Variants in EHMT1 observed in about 807,000 individuals in gnomAD.
EHMT1 encodes histone-lysine N-methyltransferase EHMT1.
A neutral mutation model predicts 147.2 loss-of-function variants in EHMT1; 15 were observed. The observed-to-expected ratio is 0.10, with a 90% CI of 0.07 to 0.16. EHMT1 has a LOEUF of 0.16. Ranked by LOEUF, EHMT1 falls within the 10% of genes least tolerant of loss-of-function variation. The pLI is 1.00. For missense variants in EHMT1, 1,587 were observed against 1,772.4 expected (o/e 0.90, Z 1.88); for synonymous variants, 795 against 709.6 (o/e 1.12, Z -1.91).
chr9:137,651,562 C>T (rs115553400), intron 1 of EHMT1, among the ~76,000 whole-genome samples: 1,772 of 152,136 alleles, frequency 0.012, 30 homozygotes, highest in African/African-American at 0.04. Flanking sequence ...CCGAGGCAGG[C>T]GGATCACTTG....
rs947961182 is a variant in EHMT1, at chr9:137,782,797, G to A, written c.2382+400G>A. Among the ~76,000 whole-genome samples the A allele has an allele frequency of 3.3e-5, 5 of 152,122 alleles. No individual in the cohort carries two copies. The highest frequency in any genetic ancestry group is 1.2e-4 in the African/African-American group (5 of 41,420). ...GAGCATTTTCAAGCTGAACCACGTC[G>A]TCTACAGGGTATGTTGTGTCTGTCG... On this transcript the variant is annotated intron_variant, in intron 15 of 26. Coordinates refer to ENST00000460843, the MANE Select transcript of EHMT1 (RefSeq NM_024757.5). The surrounding 1 kb of genome is among the most constrained non-coding windows in gnomAD (Gnocchi z 5.7).
intron 10 of EHMT1, among the ~76,000 whole-genome samples, chr9:137,774,190 G>A (rs1022409337): frequency 3.3e-5 from 5 of 152,342 alleles, no homozygotes; most frequent in Admixed American, 2.6e-4. Flanking sequence ...CCAGGTATAC[G>A]TTCATGTTTC....
chr9:137,764,003 T>C (rs1950042812), intron 10 of EHMT1: 1 of 152,618 alleles, frequency 6.6e-6, no homozygotes, highest in Non-Finnish European at 1.5e-5. Flanking sequence ...GGTTTCTGAT[T>C]CAGCAGGTCT....
Position 137,716,861 on chromosome 9 carries a change from C to G in EHMT1, c.321C>G (p.Asn107Lys). The G allele has an allele frequency of 6.2e-7, 1 of 1,613,292 alleles. No individual in the cohort carries two copies. Among genetic ancestry groups the G allele is most frequent in the Non-Finnish European group, 8.5e-7 (1 of 1,179,908 alleles). The change falls in exon 3 of 27, where the codon AAC (asparagine) becomes AAG (lysine). Residue 107 changes from asparagine to lysine, a missense_variant. Physicochemically the swap from Asn to Lys is moderately conservative, Grantham distance 94. Around this residue, in one of 7 missense-constraint regions of EHMT1, gnomAD observed 810 missense variants for 673.0 expected, o/e 1.20. Coordinates refer to ENST00000460843, the MANE Select transcript of EHMT1 (RefSeq NM_024757.5). ...SERDSEAAKQ[N>K]HVTADDFVQT... Reference sequence around the variant, plus strand: ...GAGACTCAGAAGCGGCGAAGCAAAACCACGTCACTGCCGACGACTTTGTGC... The same window carrying G: ...GAGACTCAGAAGCGGCGAAGCAAAAGCACGTCACTGCCGACGACTTTGTGC...
intron 25 of EHMT1, among the ~76,000 whole-genome samples, chr9:137,824,789 T>C (rs185418150): frequency 6.6e-6 from 1 of 152,242 alleles, no homozygotes; most frequent in Non-Finnish European, 1.5e-5. Context: ...TCCAGTTGTT[T>C]GTTGGAAATA....
chr9:137,781,310 A>G (rs1468284488), intron 14 of EHMT1, among the ~76,000 whole-genome samples: 15 of 90,966 alleles, frequency 1.6e-4, no homozygotes, highest in East Asian at 9.6e-4. Context: ...TGACGGCATC[A>G]CTGAGATGTG....
intron 1 of EHMT1, among the ~76,000 whole-genome samples, chr9:137,705,455 G>C (rs1460143769): frequency 6.6e-6 from 1 of 152,236 alleles, no homozygotes; most frequent in Admixed American, 6.5e-5. Flanking sequence ...GCCAGTGTTT[G>C]AGTGAGAATT....
chr9:137,699,406 C>G (rs1233160324), intron 1 of EHMT1, among the ~76,000 whole-genome samples: 1 of 152,126 alleles, frequency 6.6e-6, no homozygotes, highest in Admixed American at 6.5e-5. Flanking sequence ...GGCATGGTGG[C>G]TCACACCTGT....
intron 2 of EHMT1, among the ~76,000 whole-genome samples, chr9:137,713,910 A>G (rs1944968238): frequency 6.6e-6 from 1 of 152,174 alleles, no homozygotes; most frequent in Admixed American, 6.5e-5. Flanking sequence ...AGATCATGCC[A>G]TTGCACTCCA....
At chr9:137,706,214 G>A (rs1301129610) in intron 1 of EHMT1, among the ~76,000 whole-genome samples, 4 of 152,342 alleles carry the variant, frequency 2.6e-5, no homozygotes, top group Non-Finnish European at 4.4e-5. Context: ...GGGCTCCTGA[G>A]GGAAATGCAG....
chr9:137,736,264 A>G (rs571284215), intron 4 of EHMT1, among the ~76,000 whole-genome samples: 76 of 152,372 alleles, frequency 5.0e-4, no homozygotes, highest in African/African-American at 1.8e-3. Context: ...ATAAGAAGGT[A>G]TAACAATTAC....
chr9:137,803,209 T>G, intron 18 of EHMT1: 2 of 1,172,642 alleles, frequency 1.7e-6, no homozygotes, highest in South Asian at 8.7e-5. Flanking sequence ...AATGAAACAC[T>G]TCATTAATTT....
chr9:137,667,802 G>A (rs1464496418), intron 1 of EHMT1, among the ~76,000 whole-genome samples: 1 of 152,176 alleles, frequency 6.6e-6, no homozygotes, highest in Non-Finnish European at 1.5e-5. Context: ...CTGTTGTGCT[G>A]CTTATCACAC....
chr9:137,639,965 G>A (rs1387699829), intron 1 of EHMT1, among the ~76,000 whole-genome samples: 4 of 152,112 alleles, frequency 2.6e-5, no homozygotes, highest in Non-Finnish European at 4.4e-5. Context: ...ACGGAGTCTC[G>A]CTCTTGTTGC....
At chr9:137,651,511 C>G (rs951437116) in intron 1 of EHMT1, among the ~76,000 whole-genome samples, 1 of 152,090 alleles carries the variant, frequency 6.6e-6, no homozygotes, top group African/African-American at 2.4e-5. Flanking sequence ...TGGCCAGGTG[C>G]GGTGGCTCAC....
rs564660668 is a variant in EHMT1 at position 137,781,435 on chromosome 9, C to T, written c.2276-856C>T. ...ATGATGCTGAGATGTGTGGTGATGA[C>T]GCTGGGATATGCGGTGATGATGCTG... On this transcript the variant is annotated intron_variant, in intron 14 of 26. Coordinates refer to ENST00000460843, the MANE Select transcript of EHMT1 (RefSeq NM_024757.5). Among the ~76,000 whole-genome samples the T allele has an allele frequency of 5.6e-4, 84 of 149,870 alleles. 2 individuals are homozygous for T. Among genetic ancestry groups the T allele is most frequent in the African/African-American group, 1.9e-3 (74 of 39,620 alleles).
chr9:137,722,501 G>A (rs1946159294), intron 3 of EHMT1, among the ~76,000 whole-genome samples: 1 of 152,242 alleles, frequency 6.6e-6, no homozygotes, highest in Non-Finnish European at 1.5e-5. Context: ...TGCTCCTGGG[G>A]GAGTCTGCAG....
Position 137,646,647 on chromosome 9 carries a change from T to C in EHMT1, c.21+27598T>C, listed in dbSNP as rs1312479453. ...CTGGGGGAGGTGTGGCGCAGTTCTG[T>C]TGTTTTCACATCTCGCAAGGCACGT... is the stretch of plus-strand genomic sequence containing the variant. On this transcript the variant is annotated intron_variant, in intron 1 of 26. Coordinates refer to ENST00000460843, the MANE Select transcript of EHMT1 (RefSeq NM_024757.5). Among the ~76,000 whole-genome samples, 3 of 152,200 alleles carry C rather than the reference T, an allele frequency of 2.0e-5. No homozygotes were observed. The East Asian group carries it at 5.8e-4, about 29-fold the overall frequency.
chr9:137,724,963 A>C (rs755116716), intron 3 of EHMT1, among the ~76,000 whole-genome samples: 32 of 96,534 alleles, frequency 3.3e-4, no homozygotes, highest in African/African-American at 3.1e-3. Flanking sequence ...TGTGGCATTC[A>C]TGGGGCATTC....
Sources: gnomAD v4.1 joint callset for allele counts (sites outside exome capture counted in the v4.1 genomes callset) on GRCh38, gnomAD v4.1.1 for gene constraint, gnomAD v4.1.1 regional missense constraint, Gnocchi (gnomAD v3.1) non-coding constraint, MANE v1.5 for transcripts, NCBI Gene and HGNC (gene_info 2026-07-23, HGNC 2026-07-21) for gene names.